The following DPH6 variants were observed in gnomAD, a reference collection of about 807,000 sequenced individuals.
DPH6 encodes the protein diphthamine biosynthesis 6.
DPH6 carries 33 observed loss-of-function variants against 38.2 expected under a neutral mutation model. The observed-to-expected ratio is 0.86, with a 90% CI of 0.65 to 1.15. DPH6 has a LOEUF of 1.15. Among genes scored for constraint, DPH6 ranks in the 50% most tolerant of loss-of-function variants. The pLI, the probability that DPH6 is intolerant of heterozygous loss-of-function variation, is 0.00. For missense variants in DPH6, 325 were observed against 320.0 expected (o/e 1.02, Z -0.12); for synonymous variants, 108 against 103.0 (o/e 1.05, Z -0.30).
chr15:35,499,699 G>A (rs1282576459), intron 3 of DPH6, among the ~76,000 whole-genome samples: 4 of 152,128 alleles, frequency 2.6e-5, no homozygotes, highest in African/African-American at 9.7e-5. Context: ...AAGTATTAAG[G>A]GAAATACTAG....
At chr15:35,354,264 C>T (rs993528620) in intron 3 of DPH6, among the ~76,000 whole-genome samples, 3 of 152,222 alleles carry the variant, frequency 2.0e-5, no homozygotes, top group Admixed American at 2.0e-4. Flanking sequence ...TAATTGGATA[C>T]CCTTTATTTC....
chr15:35,190,473 T>C, the DPH6 span, among the ~76,000 whole-genome samples: 4 of 152,158 alleles, frequency 2.6e-5, no homozygotes, highest in African/African-American at 4.8e-5. Context: ...TGTTACTAAG[T>C]GGGATTGCCG....
chr15:35,276,059 C>T (rs1387139684), intron 3 of DPH6, among the ~76,000 whole-genome samples: 2 of 152,168 alleles, frequency 1.3e-5, no homozygotes, highest in African/African-American at 2.4e-5. Context: ...GTTTACATTC[C>T]TATCAGCAAT....
At chr15:35,434,938 T>A (rs1260224898) in intron 5 of DPH6, among the ~76,000 whole-genome samples, 1 of 150,662 alleles carries the variant, frequency 6.6e-6, no homozygotes, top group African/African-American at 2.5e-5. Flanking sequence ...CATGCCCAGC[T>A]ATTTTTTTTT....
intron 7 of DPH6, among the ~76,000 whole-genome samples, chr15:35,377,733 A>T (rs1211415720): frequency 6.6e-6 from 1 of 152,212 alleles, no homozygotes; most frequent in Non-Finnish European, 1.5e-5. Context: ...CTAGGTAGAA[A>T]TATAAAAAAT....
chr15:35,257,850 A>T (rs1395220577), intron 3 of DPH6, among the ~76,000 whole-genome samples: 1 of 151,664 alleles, frequency 6.6e-6, no homozygotes, highest in Non-Finnish European at 1.5e-5. Flanking sequence ...TAGCAGGAAA[A>T]CTTTACCTTG....
At chr15:35,452,757 T>C (rs2053952205) in intron 4 of DPH6, among the ~76,000 whole-genome samples, 1 of 152,212 alleles carries the variant, frequency 6.6e-6, no homozygotes, top group Non-Finnish European at 1.5e-5. Context: ...ACAAACATAA[T>C]TGCAGAATGT....
At chr15:35,409,744 C>T (rs2053340797) in intron 6 of DPH6, among the ~76,000 whole-genome samples, 2 of 151,746 alleles carry the variant, frequency 1.3e-5, no homozygotes, top group Non-Finnish European at 2.9e-5. Flanking sequence ...TGAGAAAAGT[C>T]CTATCACATA....
chr15:35,400,902 C>T lies in DPH6; in HGVS notation c.567+9933G>A, dbSNP rs1401732393. On this transcript the variant is annotated intron_variant, in intron 6 of 8. Coordinates refer to ENST00000256538, the MANE Select transcript of DPH6 (RefSeq NM_080650.4). The stretch of plus-strand genomic sequence containing the variant: ...CCACTGTGGAGGAGGTGGATGCAGC[C>T]ATGAATGCAAGGCCACACAAGGTGG... 2.9e-5 allele frequency: 29 copies of T among 990,662 alleles called. No individual in the cohort carries two copies. In the Admixed American group the frequency reaches 4.9e-4, roughly 17 times the overall value. 61.4% of individuals were successfully genotyped at this position (990,662 alleles called of 1,614,324 possible).
chr15:35,170,127 AGT>A, the DPH6 span, among the ~76,000 whole-genome samples: 1 of 152,214 alleles, frequency 6.6e-6, no homozygotes, highest in African/African-American at 2.4e-5. Flanking sequence ...ACTGTCGGTC[AGT>A]GTCATTTACA....
chr15:35,186,965 C>A, the DPH6 span, among the ~76,000 whole-genome samples: 1 of 152,272 alleles, frequency 6.6e-6, no homozygotes, highest in Admixed American at 6.5e-5. Context: ...ACTTCTATTA[C>A]AATCAAGCTG....
chr15:35,427,874 T>G (rs1209306711), intron 5 of DPH6, among the ~76,000 whole-genome samples: 1 of 151,904 alleles, frequency 6.6e-6, no homozygotes. Context: ...CTCTTTCTTT[T>G]CTTCCCTACA....
intron 3 of DPH6, among the ~76,000 whole-genome samples, chr15:35,306,051 G>T (rs1282776753): frequency 3.3e-5 from 5 of 152,132 alleles, no homozygotes. Flanking sequence ...CTGCAGCCAG[G>T]ATATCCTCTT....
chr15:35,437,531 C>T (rs775785007), intron 5 of DPH6, among the ~76,000 whole-genome samples: 25 of 152,192 alleles, frequency 1.6e-4, no homozygotes, highest in Non-Finnish European at 3.4e-4. Context: ...GCCTCCCTCT[C>T]CTGGTGCAAA....
intron 3 of DPH6, among the ~76,000 whole-genome samples, chr15:35,281,311 A>G (rs993431505): frequency 6.6e-6 from 1 of 152,206 alleles, no homozygotes; most frequent in Admixed American, 6.5e-5. Context: ...TAATGAAACC[A>G]TTCTAAAAAT....
intron 3 of DPH6, among the ~76,000 whole-genome samples, chr15:35,473,645 C>T (rs1043896633): frequency 3.3e-5 from 5 of 151,950 alleles, no homozygotes; most frequent in East Asian, 1.9e-4. Flanking sequence ...AAATTGCAAA[C>T]GCTACTCTCT....
chr15:35,417,919 C>CATA (rs1242135716), intron 5 of DPH6, among the ~76,000 whole-genome samples: 1 of 152,004 alleles, frequency 6.6e-6, no homozygotes, highest in African/African-American at 2.4e-5. Context: ...TTTTATTTTA[C>CATA]ATAAAACTGC....
At chr15:35,430,380 C>A (rs1393360545) in intron 5 of DPH6, among the ~76,000 whole-genome samples, 4 of 143,280 alleles carry the variant, frequency 2.8e-5, no homozygotes, top group African/African-American at 5.3e-5. Flanking sequence ...ATATGTTAAA[C>A]AACCTTCATA....
downstream of DPH6, among the ~76,000 whole-genome samples, chr15:35,216,623 T>C (rs2051411973): frequency 6.6e-6 from 1 of 152,250 alleles, no homozygotes; most frequent in African/African-American, 2.4e-5. Flanking sequence ...CATTTACTTA[T>C]TTAATCAGTA....
Sources: gnomAD v4.1 joint callset for allele counts (sites outside exome capture counted in the v4.1 genomes callset) on GRCh38, gnomAD v4.1.1 for gene constraint, MANE v1.5 for transcripts, NCBI Gene and HGNC (gene_info 2026-07-23, HGNC 2026-07-21) for gene names.